The following SLC35D2 variants were observed in gnomAD, a reference collection of about 807,000 sequenced individuals.
SLC35D2 encodes solute carrier family 35 member D2.
In SLC35D2, 43 loss-of-function variants were observed where a neutral mutation model predicts 41.8. The observed-to-expected ratio is 1.03, with a 90% CI of 0.81 to 1.33. The LOEUF (loss-of-function observed/expected upper bound fraction) is 1.33, where lower values mean the gene tolerates loss of function less well. Ranked by LOEUF, SLC35D2 falls within the 40% of genes most tolerant of loss-of-function variation. The pLI, the probability that SLC35D2 is intolerant of heterozygous loss-of-function variation, is 0.00. For missense variants in SLC35D2, 380 were observed against 408.4 expected (o/e 0.93, Z 0.60); for synonymous variants, 150 against 163.9 (o/e 0.92, Z 0.65).
intron 9 of SLC35D2, among the ~76,000 whole-genome samples, chr9:96,325,006 G>C (rs1828456200): frequency 6.6e-6 from 1 of 152,218 alleles, no homozygotes; most frequent in South Asian, 2.1e-4. Flanking sequence ...TGTCAGAAGA[G>C]AAAATCAGCT....
chr9:96,360,454 C>A (rs946568248), intron 3 of SLC35D2, among the ~76,000 whole-genome samples: 1 of 151,634 alleles, frequency 6.6e-6, no homozygotes, highest in African/African-American at 2.4e-5. Context: ...CACAGCGAAA[C>A]CCCATTTCTA....
chr9:96,351,097 T>G lies in SLC35D2; in HGVS notation c.488+6A>C. ...GTTATTGAGCAGAAACAGTCCAAAG[T>G]CTTACCCAGCTGCTATGAAAGCCCC... On this transcript the variant is annotated splice_donor_region_variant and intron_variant, in intron 6 of 11. Coordinates refer to ENST00000253270, the MANE Select transcript of SLC35D2 (RefSeq NM_007001.3). 2 of 1,605,528 alleles carry G rather than the reference T, an allele frequency of 1.2e-6. No homozygotes were observed. The highest frequency in any genetic ancestry group is 2.2e-5 in the South Asian group (2 of 90,902).
chr9:96,377,419 C>T (rs1389535579), intron 1 of SLC35D2, among the ~76,000 whole-genome samples: 12 of 152,168 alleles, frequency 7.9e-5, no homozygotes, highest in South Asian at 2.1e-4. Flanking sequence ...CTTTGCTCAC[C>T]AGTCATTGTT....
intron 8 of SLC35D2, among the ~76,000 whole-genome samples, chr9:96,343,137 C>T (rs7044184): frequency 0.17 from 26,430 of 152,176 alleles, 2,599 homozygotes; most frequent in African/African-American, 0.26. Flanking sequence ...TGAAGAAGTC[C>T]GGGCTTGCAC....
chr9:96,336,764 C>G lies in SLC35D2; in HGVS notation c.705G>C (p.Trp235Cys). The change falls in exon 9 of 12, where the codon TGG becomes TGC. Residue 235 changes from tryptophan to cysteine, a missense_variant. Physicochemically the swap from Trp to Cys is radical, Grantham distance 215 (BLOSUM62 -2). Coordinates refer to ENST00000253270, the MANE Select transcript of SLC35D2 (RefSeq NM_007001.3). ...DLQQATEFNQ[W>C]KNVVFILQFL... Reference sequence around the variant, plus strand: ...ACTGTAGGATAAACACAACATTCTTCCATTGGTTGAATTCAGTAGCCTATT... The same window carrying G: ...ACTGTAGGATAAACACAACATTCTTGCATTGGTTGAATTCAGTAGCCTATT... The G allele has an allele frequency of 6.3e-7, 1 of 1,582,622 alleles. No individual in the cohort carries two copies. The highest frequency in any genetic ancestry group is 8.6e-7 in the Non-Finnish European group (1 of 1,157,984).
chr9:96,358,078 T>TATATATATATATATATATATATATA (rs1491320526), intron 4 of SLC35D2, among the ~76,000 whole-genome samples: 5 of 79,256 alleles, frequency 6.3e-5, no homozygotes, highest in African/African-American at 1.3e-4. Context: ...ATATTATATA[T>TATATATATATATATATATATATATA]TTTATATATA....
chr9:96,376,794 C>T (rs1206875703), intron 1 of SLC35D2, among the ~76,000 whole-genome samples: 4 of 151,064 alleles, frequency 2.6e-5, no homozygotes, highest in East Asian at 2.0e-4. Context: ...TTAGTAGCGA[C>T]GGGGTTTCAC....
chr9:96,366,859 T>C (rs1399735229), intron 2 of SLC35D2, among the ~76,000 whole-genome samples: 1 of 151,930 alleles, frequency 6.6e-6, no homozygotes, highest in Non-Finnish European at 1.5e-5. Context: ...AGAAAATTCT[T>C]GTTATGATTG....
At chr9:96,365,781 T>A (rs1429894611) in intron 2 of SLC35D2, among the ~76,000 whole-genome samples, 1 of 152,214 alleles carries the variant, frequency 6.6e-6, no homozygotes, top group Non-Finnish European at 1.5e-5. Flanking sequence ...CTCCATATCA[T>A]TATTATGAAA....
chr9:96,357,896 A>G (rs1298613082), intron 4 of SLC35D2, among the ~76,000 whole-genome samples: 1 of 151,730 alleles, frequency 6.6e-6, no homozygotes, highest in Non-Finnish European at 1.5e-5. Context: ...AAAATAAGCC[A>G]GGCGTGGTGG....
At chr9:96,368,352 C>G in intron 1 of SLC35D2, 47 bp from the exon 2 acceptor site, 1 of 1,425,910 alleles carries the variant, frequency 7.0e-7, no homozygotes, top group African/African-American at 1.4e-5. Context: ...ATATAAAACT[C>G]TGAAGATAGT....
At chr9:96,314,353 T>C (rs1182192439) in exon 12 of SLC35D2, 2 of 152,236 alleles carry the variant, frequency 1.3e-5, no homozygotes, top group African/African-American at 4.8e-5. Flanking sequence ...TGCCCATCTA[T>C]GATAGACTGG....
intron 9 of SLC35D2, among the ~76,000 whole-genome samples, chr9:96,326,585 C>CA (rs1257621301): frequency 2.0e-5 from 3 of 152,076 alleles, no homozygotes; most frequent in African/African-American, 7.2e-5. Flanking sequence ...AGGCAGATCA[C>CA]AAGGTCAGGA....
chr9:96,360,226 C>A lies in SLC35D2; in HGVS notation c.280-5G>T. ...GAGGAGAGGCAGAGGAAACAGCTTC[C>A]ATTAAAAAAAAAAGAAGAAATATTT... On this transcript the variant is annotated splice_polypyrimidine_tract_variant and splice_region_variant and intron_variant, in intron 3 of 11. Transcript: ENST00000253270. The A allele has an allele frequency of 6.3e-7, 1 of 1,599,510 alleles. No individual in the cohort carries two copies. Among genetic ancestry groups the A allele is most frequent in the Admixed American group, 1.7e-5 (1 of 58,328 alleles).
chr9:96,381,431 C>G lies in SLC35D2; in HGVS notation c.158+2046G>C, dbSNP rs553196983. On this transcript the variant is annotated intron_variant, in intron 1 of 11. Transcript: ENST00000253270. ...CTACCATTCCCATTCAAACTCTTCA[C>G]TCCTCCAGGCCTGGAATGCTCTTCC... Among the ~76,000 whole-genome samples, 3 of 152,314 alleles carry G rather than the reference C, an allele frequency of 2.0e-5. No individual in the cohort carries two copies. In the South Asian group the frequency reaches 6.2e-4, roughly 32 times the overall value.
intron 10 of SLC35D2, 103 bp downstream of exon 10, chr9:96,323,988 C>T: frequency 1.0e-6 from 1 of 981,734 alleles, no homozygotes; most frequent in East Asian, 2.4e-5. Flanking sequence ...AGCCCTCGTT[C>T]TTACACCACC....
chr9:96,357,766 C>T (rs1830087962), intron 4 of SLC35D2, among the ~76,000 whole-genome samples: 1 of 151,950 alleles, frequency 6.6e-6, no homozygotes, highest in Non-Finnish European at 1.5e-5. Flanking sequence ...AGGCTGGGCA[C>T]AGTGGCTCAT....
rs779326077 is a variant in SLC35D2 at position 96,351,183 on chromosome 9, A to G, written c.420-12T>C. Reference sequence around the variant, plus strand: ...GTGAATACTGCTTCCTGTAATAAATACACAAATAAGAAAGGAAAGGGAGCA... The same window carrying G: ...GTGAATACTGCTTCCTGTAATAAATGCACAAATAAGAAAGGAAAGGGAGCA... On this transcript the variant is annotated splice_polypyrimidine_tract_variant and intron_variant, in intron 5 of 11. Transcript: ENST00000253270. 1.3e-6 allele frequency: 2 copies of G among 1,572,202 alleles called. No individual in the cohort carries two copies. Among genetic ancestry groups the G allele is most frequent in the Admixed American group, 1.7e-5 (1 of 59,880 alleles).
intron 11 of SLC35D2, 128 bp downstream of exon 11, chr9:96,321,870 T>C: frequency 1.6e-6 from 1 of 607,644 alleles, no homozygotes; most frequent in Non-Finnish European, 3.0e-6. Context: ...TCTTAGAAAT[T>C]AGAATGTCAA....
Sources: allele counts gnomAD v4.1 joint callset (sites outside exome capture counted in the v4.1 genomes callset), GRCh38; gene constraint gnomAD v4.1.1; transcripts MANE v1.5; gene names NCBI Gene and HGNC (gene_info 2026-07-23, HGNC 2026-07-21).